Variants in ASIC2 observed in about 807,000 individuals in gnomAD.
ASIC2 encodes the protein acid-sensing ion channel 2.
A neutral mutation model predicts 57.3 loss-of-function variants in ASIC2; 25 were observed. That is an observed-to-expected ratio of 0.44 (90% CI 0.32 to 0.61). The LOEUF is 0.61. ASIC2 is among the 20% of genes least tolerant of loss of function. The pLI is 0.06. For missense variants in ASIC2, 641 were observed against 738.1 expected, an observed-to-expected ratio of 0.87 and a Z score of 1.52; for synonymous variants, 319 against 307.5, an observed-to-expected ratio of 1.04 and a Z score of -0.39.
intron 1 of ASIC2, among the ~76,000 whole-genome samples, chr17:33,671,884 G>A (rs1428940414): frequency 6.6e-6 from 1 of 152,104 alleles, no homozygotes; most frequent in Non-Finnish European, 1.5e-5. Flanking sequence ...TTGGAACCTT[G>A]AACCTTGTTT....
At chr17:33,122,171 G>A (rs2092305082) in intron 1 of ASIC2, among the ~76,000 whole-genome samples, 1 of 152,168 alleles carries the variant, frequency 6.6e-6, no homozygotes, top group Non-Finnish European at 1.5e-5. Flanking sequence ...CATCTCTGTT[G>A]TCCCTACTGC....
intron 1 of ASIC2, among the ~76,000 whole-genome samples, chr17:33,907,082 G>T (rs369208523): frequency 2.3e-4 from 35 of 152,268 alleles, no homozygotes; most frequent in South Asian, 6.2e-4. Flanking sequence ...CTTGGGAGAG[G>T]GGGCTGGCTA....
intron 3 of ASIC2, 30 bp downstream of exon 3, chr17:33,088,833 C>G (rs377264444): frequency 6.3e-7 from 1 of 1,590,780 alleles, no homozygotes; most frequent in Non-Finnish European, 8.6e-7. Context: ...AGGCTGAGGA[C>G]CATCAATCCT....
Position 33,021,204 on chromosome 17 carries a change from T to C in ASIC2, c.1441+15A>G, listed in dbSNP as rs370029319. 81 of 756,998 alleles carry C rather than the reference T, an allele frequency of 1.1e-4. No homozygotes were observed. Among genetic ancestry groups the C allele is most frequent in the Non-Finnish European group, 1.5e-4 (72 of 474,282 alleles). The allele number at this position is 756,998 out of a possible 1,614,324, so 46.9% of individuals were successfully genotyped here. ...CTATGAGATGTGGAAATTTGTGCAA[T>C]AGACACTGACTTACCAAGTAAGGCA... On this transcript the variant is annotated intron_variant, in intron 7 of 9. Coordinates refer to ENST00000225823, the MANE Select transcript of ASIC2 (RefSeq NM_183377.2).
chr17:33,514,957 T>C (rs546749408), intron 1 of ASIC2, among the ~76,000 whole-genome samples: 3 of 152,218 alleles, frequency 2.0e-5, no homozygotes, highest in Non-Finnish European at 4.4e-5. Flanking sequence ...TCTCACCTCC[T>C]GCCAAACTCC....
At chr17:33,870,978 C>T (rs1390271129) in intron 1 of ASIC2, among the ~76,000 whole-genome samples, 2 of 152,096 alleles carry the variant, frequency 1.3e-5, no homozygotes, top group Non-Finnish European at 2.9e-5. Flanking sequence ...CTTGTGCCCA[C>T]CCCACCCCCT....
At chr17:34,002,289 T>A (rs1906372681) in intron 1 of ASIC2, 1 of 152,238 alleles carries the variant, frequency 6.6e-6, no homozygotes, top group Non-Finnish European at 1.5e-5. Context: ...GAAATTCCTG[T>A]CTTTCAATTT....
intron 1 of ASIC2, among the ~76,000 whole-genome samples, chr17:33,430,832 A>AAACAAAC (rs1911386815): frequency 6.6e-6 from 1 of 152,234 alleles, no homozygotes; most frequent in African/African-American, 2.4e-5. Flanking sequence ...CTCTACATAA[A>AAACAAAC]AACAAACAGA....
chr17:34,151,266 C>T (rs763933278), intron 1 of ASIC2, among the ~76,000 whole-genome samples: 10 of 152,092 alleles, frequency 6.6e-5, no homozygotes, highest in Admixed American at 2.0e-4. Flanking sequence ...ATGATGTATG[C>T]AGAGTCTGGG....
intron 1 of ASIC2, among the ~76,000 whole-genome samples, chr17:33,399,580 C>T (rs996253470): frequency 6.6e-6 from 1 of 152,200 alleles, no homozygotes; most frequent in Admixed American, 6.5e-5. Context: ...GCATGCTGGC[C>T]ACCATATGCA....
chr17:34,132,366 G>A (rs550713644), intron 1 of ASIC2, among the ~76,000 whole-genome samples: 6 of 152,306 alleles, frequency 3.9e-5, no homozygotes, highest in African/African-American at 1.2e-4. Flanking sequence ...CAGCGTGGAA[G>A]GACAGGTAGA....
intron 3 of ASIC2, among the ~76,000 whole-genome samples, chr17:33,088,340 T>A (rs2141964792): frequency 1.3e-5 from 2 of 152,286 alleles, no homozygotes; most frequent in Middle Eastern, 3.4e-3. Context: ...CAGACAGAAT[T>A]GATGCAGCAG....
intron 1 of ASIC2, among the ~76,000 whole-genome samples, chr17:33,218,635 G>C (rs1420182843): frequency 1.3e-5 from 2 of 152,096 alleles, no homozygotes; most frequent in African/African-American, 4.8e-5. Flanking sequence ...TGCCGGGGTG[G>C]GGGTGGGAGC....
intron 1 of ASIC2, among the ~76,000 whole-genome samples, chr17:34,116,618 C>T (rs1310128085): frequency 2.0e-5 from 3 of 152,148 alleles, no homozygotes; most frequent in African/African-American, 7.2e-5. Context: ...CATGAAGCCT[C>T]TGAAAAAGCT....
At chr17:33,598,662 C>A (rs1291606362) in intron 1 of ASIC2, among the ~76,000 whole-genome samples, 1 of 152,170 alleles carries the variant, frequency 6.6e-6, no homozygotes, top group Non-Finnish European at 1.5e-5. Flanking sequence ...TCCTTCCCAG[C>A]TGGGTCATGG....
intron 1 of ASIC2, among the ~76,000 whole-genome samples, chr17:33,977,874 G>A (rs1748076947): frequency 6.6e-6 from 1 of 152,194 alleles, no homozygotes; most frequent in South Asian, 2.1e-4. Context: ...GGAATTTGGG[G>A]CCAGCGGTCT....
chr17:34,028,802 A>G (rs1298771519), intron 1 of ASIC2, among the ~76,000 whole-genome samples: 1 of 152,142 alleles, frequency 6.6e-6, no homozygotes, highest in Non-Finnish European at 1.5e-5. Context: ...CCCTGGCCTC[A>G]TCAAATGCAG....
rs576011278 is a variant in ASIC2, at chr17:33,614,059, C to T, written c.556-501992G>A. 7.2e-5 allele frequency among the ~76,000 whole-genome samples: 11 copies of T among 152,248 alleles called. No individual in the cohort carries two copies. The South Asian group carries it at 1.5e-3, about 20-fold the overall frequency. On this transcript the variant is annotated intron_variant, in intron 1 of 9. Transcript: ENST00000359872. Reference sequence around the variant, plus strand: ...CCTTCCCCAAAATTGCACCATTTTGCCTTTCTACCAACAGTACAGGTGAAT... The same window carrying T: ...CCTTCCCCAAAATTGCACCATTTTGTCTTTCTACCAACAGTACAGGTGAAT...
intron 1 of ASIC2, among the ~76,000 whole-genome samples, chr17:33,835,240 A>T (rs1913240349): frequency 1.3e-5 from 2 of 152,234 alleles, no homozygotes; most frequent in Non-Finnish European, 2.9e-5. Context: ...GAATTTGGAC[A>T]GGTTACTGTA....
Sources: allele counts gnomAD v4.1 joint callset (sites outside exome capture counted in the v4.1 genomes callset), GRCh38; gene constraint gnomAD v4.1.1; transcripts MANE v1.5; gene names NCBI Gene and HGNC (gene_info 2026-07-23, HGNC 2026-07-21).